COL26A1: variants seen among roughly 807,000 people sequenced by gnomAD.
COL26A1 encodes collagen type XXVI alpha 1 chain, also known as collagen alpha-1(XXVI) chain.
Under a neutral mutation model 59.3 loss-of-function variants are expected in COL26A1, and 41 were observed. The ratio of observed to expected loss-of-function variants is 0.69; its 90% CI spans 0.54 to 0.90. The LOEUF (loss-of-function observed/expected upper bound fraction) is 0.90, where lower values mean the gene tolerates loss of function less well. Among genes scored for constraint, COL26A1 ranks in the 40% least tolerant of loss-of-function variants. The pLI, the probability that COL26A1 is intolerant of heterozygous loss-of-function variation, is 0.00. For missense variants in COL26A1, 612 were observed against 602.3 expected, an observed-to-expected ratio of 1.02 and a Z score of -0.17; for synonymous variants, 266 against 256.0, an observed-to-expected ratio of 1.04 and a Z score of -0.37.
chr7:101,553,476 G>GCC, intron 11 of COL26A1, 100 bp downstream of exon 11: 1 of 1,197,480 alleles, frequency 8.4e-7, no homozygotes, highest in East Asian at 2.4e-5. Context: ...CCGTCAGCCA[G>GCC]CCCCGAGCTG....
chr7:101,433,784 C>T (rs148399814), intron 2 of COL26A1, among the ~76,000 whole-genome samples: 1 of 152,160 alleles, frequency 6.6e-6, no homozygotes, highest in South Asian at 2.1e-4. Flanking sequence ...GGGGTGCCCA[C>T]GCAGGGGGAT....
chr7:101,506,341 C>A (rs1558005), intron 3 of COL26A1, among the ~76,000 whole-genome samples: 1 of 152,130 alleles, frequency 6.6e-6, no homozygotes, highest in African/African-American at 2.4e-5. Flanking sequence ...TAAAATGAAT[C>A]GGAGAAGAGA....
intron 3 of COL26A1, among the ~76,000 whole-genome samples, chr7:101,485,644 T>C (rs1446444925): frequency 6.6e-6 from 1 of 152,032 alleles, no homozygotes; most frequent in Non-Finnish European, 1.5e-5. Flanking sequence ...GATCTCTGCA[T>C]CCCCAGTGCC....
At chr7:101,538,911 C>T (rs985143729) in intron 4 of COL26A1, among the ~76,000 whole-genome samples, 6 of 152,258 alleles carry the variant, frequency 3.9e-5, no homozygotes, top group African/African-American at 1.4e-4. Flanking sequence ...CCTTCACGCC[C>T]CTCGGCCCCA....
At chr7:101,532,438 A>T (rs144733304) in intron 3 of COL26A1, among the ~76,000 whole-genome samples, 169 of 152,108 alleles carry the variant, frequency 1.1e-3, no homozygotes, top group Non-Finnish European at 2.3e-3. Context: ...GAGTTGGCCA[A>T]CCTGCCCTGT....
At chr7:101,406,855 CAGG>C (rs1175451567) in intron 1 of COL26A1, among the ~76,000 whole-genome samples, 1 of 152,108 alleles carries the variant, frequency 6.6e-6, no homozygotes, top group Non-Finnish European at 1.5e-5. Flanking sequence ...GAGGCTGAGG[CAGG>C]AGGATTGCTT....
intron 1 of COL26A1, among the ~76,000 whole-genome samples, chr7:101,393,446 A>G (rs750811025): frequency 6.6e-6 from 1 of 152,040 alleles, no homozygotes; most frequent in African/African-American, 2.4e-5. Context: ...TAGCCTTTTC[A>G]CATTTTTCTA....
intron 3 of COL26A1, among the ~76,000 whole-genome samples, chr7:101,500,160 G>A (rs909872613): frequency 1.7e-4 from 26 of 152,068 alleles, no homozygotes; most frequent in Admixed American, 9.8e-4. Context: ...TGGGGCATGC[G>A]TGCCTTCTCT....
chr7:101,384,234 T>TTG (rs965961639), intron 1 of COL26A1, among the ~76,000 whole-genome samples: 38 of 145,734 alleles, frequency 2.6e-4, no homozygotes, highest in Middle Eastern at 6.9e-3. Flanking sequence ...AGGCTGGTTT[T>TTG]TTTTTTTTTT....
At chr7:101,486,498 C>T (rs1012850256) in intron 3 of COL26A1, among the ~76,000 whole-genome samples, 1 of 152,214 alleles carries the variant, frequency 6.6e-6, no homozygotes, top group African/African-American at 2.4e-5. Flanking sequence ...GCGGGAAGGG[C>T]TGGAGACAGC....
At chr7:101,368,909 G>GTGAGTTTTTT (rs1249237632) in intron 1 of COL26A1, among the ~76,000 whole-genome samples, 83,706 of 151,026 alleles carry the variant, frequency 0.55, 24,164 homozygotes, top group African/African-American at 0.72. Context: ...TCAAAATCTG[G>GTGAGTTTTTT]CTCTTTCCAA....
Position 101,461,362 on chromosome 7 carries a change from G to A in COL26A1, c.385+13575G>A, listed in dbSNP as rs112909309. On this transcript the variant is annotated intron_variant, in intron 3 of 12. Transcript: ENST00000313669. Reference sequence around the variant, plus strand: ...TGTGCAGGCTGGTGTGTAATGACACGATCTCAGCTCCCTGCAACCTCCGCC... The same window carrying A: ...TGTGCAGGCTGGTGTGTAATGACACAATCTCAGCTCCCTGCAACCTCCGCC... Among the ~76,000 whole-genome samples, 461 of 150,210 alleles carry A rather than the reference G, an allele frequency of 3.1e-3. 1 individual carries two copies. Among genetic ancestry groups the A allele is most frequent in the African/African-American group, 0.011 (432 of 40,596 alleles).
intron 10 of COL26A1, 95 bp downstream of exon 10, chr7:101,551,238 T>TTGGGGGGGGGCC: frequency 2.0e-6 from 1 of 491,350 alleles, no homozygotes; most frequent in East Asian, 5.2e-5. Context: ...GGTGGGGGGG[T>TTGGGGGGGGGCC]TCAGCCCTGG....
chr7:101,387,619 TTCTC>T (rs1791607853), intron 1 of COL26A1, among the ~76,000 whole-genome samples: 1 of 131,338 alleles, frequency 7.6e-6, no homozygotes, highest in South Asian at 2.5e-4. Flanking sequence ...GTGTGAAGCA[TTCTC>T]TCTCTCGCTC....
chr7:101,412,012 G>A (rs1294438577), intron 1 of COL26A1, among the ~76,000 whole-genome samples: 1 of 152,144 alleles, frequency 6.6e-6, no homozygotes, highest in Non-Finnish European at 1.5e-5. Flanking sequence ...TGGGGAGGGA[G>A]GGGACGCATG....
At chr7:101,392,213 G>C (rs1016643871) in intron 1 of COL26A1, among the ~76,000 whole-genome samples, 3 of 152,048 alleles carry the variant, frequency 2.0e-5, no homozygotes, top group Non-Finnish European at 4.4e-5. Flanking sequence ...ACAGGCAGGA[G>C]GGTTACTCCA....
intron 11 of COL26A1, among the ~76,000 whole-genome samples, chr7:101,554,263 C>T (rs903467662): frequency 2.0e-5 from 3 of 152,034 alleles, no homozygotes; most frequent in African/African-American, 7.2e-5. Flanking sequence ...GTGGGCAAAA[C>T]AGCTGGGAGG....
At chr7:101,486,177 A>AT (rs1794264351) in intron 3 of COL26A1, among the ~76,000 whole-genome samples, 1 of 152,014 alleles carries the variant, frequency 6.6e-6, no homozygotes, top group African/African-American at 2.4e-5. Flanking sequence ...TCTCTAAAAA[A>AT]AAAAAAAAAG....
chr7:101,516,051 A>AG (rs912310317), intron 3 of COL26A1, among the ~76,000 whole-genome samples: 5 of 152,090 alleles, frequency 3.3e-5, no homozygotes, highest in Non-Finnish European at 7.4e-5. Flanking sequence ...TAAATAACTG[A>AG]GGGGGAAGTA....
Sources: allele counts gnomAD v4.1 joint callset (sites outside exome capture counted in the v4.1 genomes callset), GRCh38; gene constraint gnomAD v4.1.1; transcripts MANE v1.5; gene names NCBI Gene and HGNC (gene_info 2026-07-23, HGNC 2026-07-21).